GAS2: variants seen among roughly 807,000 people sequenced by gnomAD.
GAS2 encodes growth arrest specific 2.
A neutral mutation model predicts 37.5 loss-of-function variants in GAS2; 20 were observed. The ratio of observed to expected loss-of-function variants is 0.53; its 90% CI spans 0.37 to 0.77. The LOEUF is 0.77. Among genes scored for constraint, GAS2 ranks in the 30% least tolerant of loss-of-function variants. The pLI, the probability that GAS2 is intolerant of heterozygous loss-of-function variation, is 0.00. For synonymous variants in GAS2, 144 were observed against 132.2 expected (o/e 1.09, Z -0.61); for missense variants, 336 against 373.4 (o/e 0.90, Z 0.82).
intron 7 of GAS2, among the ~76,000 whole-genome samples, chr11:22,781,531 G>C (rs1194595955): frequency 1.3e-5 from 2 of 152,128 alleles, no homozygotes; most frequent in Non-Finnish European, 2.9e-5. Context: ...AGAGAAACAA[G>C]TTCAGTGCTC....
chr11:22,809,478 TTTATTA>T (rs1029008222), intron 7 of GAS2, among the ~76,000 whole-genome samples: 7 of 151,698 alleles, frequency 4.6e-5, no homozygotes, highest in Non-Finnish European at 1.0e-4. Flanking sequence ...TCCATATTTA[TTTATTA>T]TTATTATTAT....
At position 22,794,796 on chromosome 11, in the gene GAS2, G is replaced by T. The variant is rs1462270900; in HGVS notation, c.724-17002G>T. ...TCACAATAATGTCACAGGCAAACAT[G>T]CCAGTGAATTTATCCGTTTGATTTC... On this transcript the variant is annotated intron_variant, in intron 7 of 7. Transcript: ENST00000454584. Among the ~76,000 whole-genome samples, 4 of 152,084 alleles carry T rather than the reference G, an allele frequency of 2.6e-5. No homozygotes were observed. The East Asian group carries it at 7.7e-4, about 29-fold the overall frequency.
intron 4 of GAS2, among the ~76,000 whole-genome samples, chr11:22,728,676 G>T (rs1852332114): frequency 6.6e-6 from 1 of 151,636 alleles, no homozygotes; most frequent in African/African-American, 2.4e-5. Flanking sequence ...AGATAAATTT[G>T]CAATTTCTCC....
intron 7 of GAS2, among the ~76,000 whole-genome samples, chr11:22,774,689 T>G (rs1855161637): frequency 6.6e-6 from 1 of 152,220 alleles, no homozygotes; most frequent in African/African-American, 2.4e-5. Flanking sequence ...AGGTAGATAT[T>G]TTCCTTTCAT....
At chr11:22,687,254 G>C (rs149254659) in intron 3 of GAS2, among the ~76,000 whole-genome samples, 1 of 152,226 alleles carries the variant, frequency 6.6e-6, no homozygotes, top group African/African-American at 2.4e-5. Context: ...TTGAGCCCAG[G>C]AGGTTGAGGT....
intron 1 of GAS2, among the ~76,000 whole-genome samples, chr11:22,652,912 G>T (rs923736992): frequency 2.6e-5 from 4 of 151,806 alleles, no homozygotes; most frequent in South Asian, 2.1e-4. Flanking sequence ...GCTGTAGACC[G>T]GAGCGGTTCC....
upstream of GAS2, among the ~76,000 whole-genome samples, chr11:22,662,014 A>C (rs117721255): frequency 1.3e-3 from 195 of 152,340 alleles, 1 homozygote; most frequent in Non-Finnish European, 2.1e-3. Flanking sequence ...TGTGAAACAT[A>C]CTTAGTTTAT....
At chr11:22,770,401 C>G (rs1320173486) in intron 7 of GAS2, among the ~76,000 whole-genome samples, 1 of 152,210 alleles carries the variant, frequency 6.6e-6, no homozygotes, top group Non-Finnish European at 1.5e-5. Flanking sequence ...AAGGGGCCAA[C>G]ACACGTGAGT....
chr11:22,795,078 AG>A (rs1186759906), intron 7 of GAS2, among the ~76,000 whole-genome samples: 1 of 152,200 alleles, frequency 6.6e-6, no homozygotes, highest in Non-Finnish European at 1.5e-5. Flanking sequence ...GACTCTCTAA[AG>A]GACTTCATAT....
At chr11:22,798,351 A>G (rs1313459588) in intron 7 of GAS2, among the ~76,000 whole-genome samples, 1 of 152,004 alleles carries the variant, frequency 6.6e-6, no homozygotes, top group Non-Finnish European at 1.5e-5. Context: ...TTGAACAACT[A>G]TGGGAGGAAG....
chr11:22,812,317 A>T lies in GAS2; in HGVS notation c.*301A>T, dbSNP rs1264278624. 1 of 233,894 alleles carries T rather than the reference A, an allele frequency of 4.3e-6. No homozygotes were observed. Among genetic ancestry groups the T allele is most frequent in the Admixed American group, 5.3e-5 (1 of 19,018 alleles). The allele number at this position is 233,894 out of a possible 1,614,324, so 14.5% of individuals were successfully genotyped here. On this transcript the variant is annotated 3_prime_UTR_variant, in exon 8 of 8. Transcript: ENST00000454584. ...ATTAGAAACACAATTCTAACTAAAG[A>T]TAAATAAGGAGAAAACATTTAGGAT...
intron 3 of GAS2, among the ~76,000 whole-genome samples, chr11:22,720,928 C>T (rs1209370017): frequency 6.6e-6 from 1 of 151,892 alleles, no homozygotes; most frequent in African/African-American, 2.4e-5. Context: ...TTTAATGCTG[C>T]CTGGACAAAC....
chr11:22,748,071 A>T (rs1853508811), intron 5 of GAS2, among the ~76,000 whole-genome samples: 1 of 152,162 alleles, frequency 6.6e-6, no homozygotes, highest in African/African-American at 2.4e-5. Flanking sequence ...TCTATAGATT[A>T]TTTACTTTGT....
intron 1 of GAS2, among the ~76,000 whole-genome samples, chr11:22,635,967 A>T (rs1858816135): frequency 6.6e-6 from 1 of 151,666 alleles, no homozygotes; most frequent in African/African-American, 2.4e-5. Flanking sequence ...CACTCTGGGG[A>T]CTCACAGTTT....
chr11:22,808,545 C>T (rs1054577671), intron 7 of GAS2, among the ~76,000 whole-genome samples: 1 of 152,172 alleles, frequency 6.6e-6, no homozygotes, highest in Admixed American at 6.5e-5. Flanking sequence ...GCCTAAATGG[C>T]CAGCATACTC....
At chr11:22,776,062 G>A (rs1367031503) in intron 7 of GAS2, among the ~76,000 whole-genome samples, 2 of 152,110 alleles carry the variant, frequency 1.3e-5, no homozygotes, top group Admixed American at 6.6e-5. Context: ...TTTTGGGTAC[G>A]CGTTAACACA....
At chr11:22,728,709 G>A (rs1852333441) in intron 4 of GAS2, among the ~76,000 whole-genome samples, 1 of 151,742 alleles carries the variant, frequency 6.6e-6, no homozygotes, top group Non-Finnish European at 1.5e-5. Context: ...AACCCAAAGT[G>A]ATATGTAATA....
At chr11:22,638,760 C>T (rs752776245) in intron 1 of GAS2, among the ~76,000 whole-genome samples, 4 of 152,140 alleles carry the variant, frequency 2.6e-5, no homozygotes, top group South Asian at 2.1e-4. Context: ...TATTCAAGGA[C>T]ATGCACACCA....
At chr11:22,743,461 T>G (rs1183487167) in intron 5 of GAS2, among the ~76,000 whole-genome samples, 3 of 152,116 alleles carry the variant, frequency 2.0e-5, no homozygotes, top group African/African-American at 7.2e-5. Context: ...TTTAATTCCT[T>G]CTAATAATAC....
Sources: gnomAD v4.1 joint callset for allele counts (sites outside exome capture counted in the v4.1 genomes callset) on GRCh38, gnomAD v4.1.1 for gene constraint, MANE v1.5 for transcripts, NCBI Gene and HGNC (gene_info 2026-07-23, HGNC 2026-07-21) for gene names.